OAS3: variants seen among roughly 807,000 people sequenced by gnomAD.
OAS3 encodes the protein 2'-5'-oligoadenylate synthetase 3.
OAS3 carries 107 observed loss-of-function variants against 113.0 expected under a neutral mutation model. That is an observed-to-expected ratio of 0.95 (90% CI 0.81 to 1.11). The LOEUF (loss-of-function observed/expected upper bound fraction) is 1.11. Among genes scored for constraint, OAS3 ranks in the 50% most tolerant of loss-of-function variants. OAS3 has a pLI of 0.00. For synonymous variants in OAS3, 552 were observed against 573.6 expected (o/e 0.96, Z 0.54); for missense variants, 1,258 against 1,389.1 (o/e 0.91, Z 1.50).
chr12:112,941,424 GC>G (rs1267845086), intron 1 of OAS3, 145 bp from the exon 2 acceptor site: 8 of 775,362 alleles, frequency 1.0e-5, no homozygotes, highest in Non-Finnish European at 1.7e-5. Context: ...GCTACCCTGG[GC>G]CCACATTCCC....
intron 14 of OAS3, among the ~76,000 whole-genome samples, chr12:112,968,577 G>A (rs777489002): frequency 2.6e-5 from 4 of 152,138 alleles, no homozygotes; most frequent in African/African-American, 7.2e-5. Flanking sequence ...GCAATGGCGC[G>A]ATCTTGGCTC....
At chr12:112,938,852 C>A in intron 1 of OAS3, 145 bp downstream of exon 1, 1 of 705,476 alleles carries the variant, frequency 1.4e-6, no homozygotes, top group Non-Finnish European at 2.2e-6. Context: ...ATGTGCCAGC[C>A]CCGTGCTAAC....
rs58792765 is a variant in OAS3, at chr12:112,939,306, C to CT, written c.177+630dup. Reference sequence around the variant, plus strand: ...GCTAAATTACTACTCTGAGTCACATCTTTTTTTTTTTTTTTTTTTTTTTTT... The same window carrying CT: ...GCTAAATTACTACTCTGAGTCACATCTTTTTTTTTTTTTTTTTTTTTTTTTT... On this transcript the variant is annotated intron_variant, in intron 1 of 15. Transcript: ENST00000228928. Among the ~76,000 whole-genome samples, 128 of 68,302 alleles carry CT rather than the reference C, an allele frequency of 1.9e-3. 8 individuals carry two copies. The highest frequency in any genetic ancestry group is 2.4e-3 in the Non-Finnish European group (90 of 37,198). 44.8% of individuals were successfully genotyped at this position (68,302 alleles called of 152,430 possible).
intron 6 of OAS3, among the ~76,000 whole-genome samples, chr12:112,949,788 G>A (rs1438257010): frequency 6.6e-6 from 1 of 152,190 alleles, no homozygotes; most frequent in East Asian, 1.9e-4. Context: ...GGAGGCCAAG[G>A]TGGGCAGATC....
At chr12:112,967,888 C>A in intron 13 of OAS3, 48 bp from the exon 14 acceptor site, 1 of 1,580,720 alleles carries the variant, frequency 6.3e-7, no homozygotes, top group Non-Finnish European at 8.6e-7. Flanking sequence ...CCTTCTGTAC[C>A]TCATCAGTGC....
chr12:112,950,904 A>G lies in OAS3; in HGVS notation c.1586A>G (p.Gln529Arg), dbSNP rs767104444. 6.2e-7 allele frequency: 1 copy of G among 1,613,986 alleles called. No individual in the cohort carries two copies. The highest frequency in any genetic ancestry group is 8.5e-7 in the Non-Finnish European group (1 of 1,179,882). Residue 529 changes from glutamine to arginine, a missense_variant, in exon 7 of 16, where the codon CAG becomes CGG. Transcript: ENST00000228928. ...FPEQNVPEAL[Q>R]FQLVSTALKS... ...GAGCAGAATGTGCCTGAGGCTCTGC[A>G]GTTCCAGCTGGTGTCCACAGCCCTG...
rs1022085399 is a variant in OAS3 at position 112,962,863 on chromosome 12, C to T, written c.2045C>T (p.Ala682Val). 6.2e-7 allele frequency: 1 copy of T among 1,613,980 alleles called. No homozygotes were observed. Among genetic ancestry groups the T allele is most frequent in the Non-Finnish European group, 8.5e-7 (1 of 1,179,878 alleles). Reference protein sequence around the residue: ...WTVNYSTEDPAMRMHLLGQLR... With the variant: ...WTVNYSTEDPVMRMHLLGQLR... ...GTCAACTATAGCACTGAGGACCCAG[C>T]CATGAGAATGCACCTTCTTGGCCAG... The change falls in exon 9 of 16, where the codon GCC becomes GTC. Residue 682 changes from alanine (A) to valine (V), a missense_variant. Coordinates refer to ENST00000228928, the MANE Select transcript of OAS3 (RefSeq NM_006187.4).
intron 5 of OAS3, 143 bp downstream of exon 5, chr12:112,948,242 T>A: frequency 2.5e-6 from 2 of 796,962 alleles, no homozygotes; most frequent in Non-Finnish European, 3.5e-6. Flanking sequence ...ACGCCTGTAA[T>A]CTCAACACAT....
In OAS3 at chr12:112,944,378, ACTCT is replaced by A. The variant is rs2043706869; in HGVS notation, c.461-92_461-89del. The A allele has an allele frequency of 3.0e-6, 4 of 1,313,706 alleles. No individual in the cohort carries two copies. In the African/African-American group the frequency reaches 4.4e-5, roughly 14 times the overall value. 81.4% of individuals were successfully genotyped at this position (1,313,706 alleles called of 1,614,324 possible). On this transcript the variant is annotated intron_variant, in intron 2 of 15. Transcript: ENST00000228928. ...ATTTCTTCCCCTCTGAATTCTTCCCACTCTCTCTCAGCGCCCCAGGCTGAGCTCG... is the reference window on the plus strand; with the variant it reads ...ATTTCTTCCCCTCTGAATTCTTCCCACTCTCAGCGCCCCAGGCTGAGCTCG...
rs34604510 is a variant in OAS3, at chr12:112,949,133, GA to G, written c.1307del (p.Lys436ArgfsTer33). 1 of 1,613,510 alleles carries G rather than the reference GA, an allele frequency of 6.2e-7. No individual in the cohort carries two copies. ...KPSPQFQEQV[K>X]KAIDIILRCL... Reference sequence around the variant, plus strand: ...CGAGCCCCCAGTTCCAGGAGCAGGTGAAAAAGGCCATTGACATCATCTTGCG... The same window carrying G: ...CGAGCCCCCAGTTCCAGGAGCAGGTGAAAAGGCCATTGACATCATCTTGCG... On this transcript the variant is annotated frameshift_variant, in exon 6 of 16. Coordinates refer to ENST00000228928, the MANE Select transcript of OAS3 (RefSeq NM_006187.4). LOFTEE classifies it high-confidence loss of function.
chr12:112,941,995 A>G (rs1241165495), intron 2 of OAS3, 143 bp downstream of exon 2: 2 of 993,192 alleles, frequency 2.0e-6, no homozygotes, highest in Non-Finnish European at 3.1e-6. Flanking sequence ...TCTGGGGACT[A>G]AACATATTGG....
At position 112,963,515 on chromosome 12, in the gene OAS3, C is replaced by A; in HGVS notation, c.2229+58C>A. On this transcript the variant is annotated intron_variant, in intron 10 of 15. Coordinates refer to ENST00000228928, the MANE Select transcript of OAS3 (RefSeq NM_006187.4). The surrounding 1 kb of genome is among the most constrained non-coding windows in gnomAD (Gnocchi z 4.6). The stretch of plus-strand genomic sequence containing the variant: ...CTGCACCCTGCCTTCTAGTCAGGTT[C>A]CCTTAACCTGCCGGTGCACCCATCC... The A allele has an allele frequency of 7.2e-7, 1 of 1,397,898 alleles. No individual in the cohort carries two copies. The highest frequency in any genetic ancestry group is 1.6e-5 in the South Asian group (1 of 62,246). The allele number at this position is 1,397,898 out of a possible 1,614,324, so 86.6% of individuals were successfully genotyped here.
At chr12:112,953,734 G>A (rs2043811109) in intron 7 of OAS3, among the ~76,000 whole-genome samples, 1 of 152,138 alleles carries the variant, frequency 6.6e-6, no homozygotes, top group South Asian at 2.1e-4. Context: ...TTCTCTGATG[G>A]CCAGTGATGA....
chr12:112,969,092 A>G (rs1398286718), intron 14 of OAS3, among the ~76,000 whole-genome samples: 1 of 152,240 alleles, frequency 6.6e-6, no homozygotes, highest in East Asian at 1.9e-4. Context: ...GCAAAAATTC[A>G]AAATCTGAAA....
chr12:112,940,758 T>G (rs2043672060), intron 1 of OAS3, among the ~76,000 whole-genome samples: 1 of 152,168 alleles, frequency 6.6e-6, no homozygotes, highest in Non-Finnish European at 1.5e-5. Flanking sequence ...ATCCCAGCAC[T>G]TTGGGAGGCC....
chr12:112,950,255 C>T (rs994170278), intron 6 of OAS3, among the ~76,000 whole-genome samples: 25 of 150,502 alleles, frequency 1.7e-4, no homozygotes, highest in Non-Finnish European at 3.1e-4. Context: ...TGTGATATCC[C>T]GTGTGAAGGA....
chr12:112,970,093 T>C lies in OAS3; in HGVS notation c.*120T>C, dbSNP rs542340990. On this transcript the variant is annotated 3_prime_UTR_variant, in exon 16 of 16. Coordinates refer to ENST00000228928, the MANE Select transcript of OAS3 (RefSeq NM_006187.4). ...TTGTGTACATGTGTGTGTGAGCACA[T>C]GTGTGCATGTGTGTGCACACGTGTG... is the stretch of plus-strand genomic sequence containing the variant. 4.0e-5 allele frequency: 43 copies of C among 1,078,826 alleles called. No homozygotes were observed. Among genetic ancestry groups the C allele is most frequent in the Middle Eastern group, 2.0e-4 (1 of 4,994 alleles). 66.8% of individuals were successfully genotyped at this position (1,078,826 alleles called of 1,614,324 possible). A position where few individuals can be genotyped will look rare whatever the true frequency, so the allele number is the denominator to read the frequency against.
Position 112,963,196 on chromosome 12 carries a change from G to A in OAS3, c.2085-117G>A. On this transcript the variant is annotated intron_variant, in intron 9 of 15. Coordinates refer to ENST00000228928, the MANE Select transcript of OAS3 (RefSeq NM_006187.4). This position sits in a 1 kb window ranked among gnomAD's most constrained non-coding sequence, Gnocchi z 4.6. ...CGCTTCTGCACTTGGGCAAGACTGA[G>A]CCAACCCTGAGGTCCTGACACTCTT... 1 of 1,296,916 alleles carries A rather than the reference G, an allele frequency of 7.7e-7. No homozygotes were observed. 80.3% of individuals were successfully genotyped at this position (1,296,916 alleles called of 1,614,324 possible).
chr12:112,966,897 G>T (rs966012205), intron 12 of OAS3, among the ~76,000 whole-genome samples: 3 of 152,152 alleles, frequency 2.0e-5, no homozygotes, highest in African/African-American at 7.2e-5. Context: ...TCCTGCAGTG[G>T]CCTTCGAGAG....
Sources: allele counts gnomAD v4.1 joint callset (sites outside exome capture counted in the v4.1 genomes callset), GRCh38; gene constraint gnomAD v4.1.1; non-coding constraint Gnocchi (gnomAD v3.1); transcripts MANE v1.5; gene names NCBI Gene and HGNC (gene_info 2026-07-23, HGNC 2026-07-21).